NLRP12: variants seen among roughly 807,000 people sequenced by gnomAD.
NLRP12 encodes the protein NLR family pyrin domain containing 12.
NLRP12 carries 108 observed loss-of-function variants against 91.2 expected under a neutral mutation model. The ratio of observed to expected loss-of-function variants is 1.18; its 90% CI spans 1.01 to 1.39. The LOEUF is 1.39. Among genes scored for constraint, NLRP12 ranks in the 40% most tolerant of loss-of-function variants. NLRP12 has a pLI of 0.00. For missense variants in NLRP12, 1,530 were observed against 1,352.7 expected (o/e 1.13, Z -2.06); for synonymous variants, 613 against 566.7 (o/e 1.08, Z -1.16).
chr19:53,818,176 T>C (rs1028030097), intron 1 of NLRP12, among the ~76,000 whole-genome samples: 3 of 151,620 alleles, frequency 2.0e-5, no homozygotes, highest in Admixed American at 6.6e-5. Flanking sequence ...CTTCACCTCC[T>C]GGGCTTAAGT....
chr19:53,795,519 C>T (rs561415772), intron 9 of NLRP12, among the ~76,000 whole-genome samples: 27 of 150,914 alleles, frequency 1.8e-4, no homozygotes, highest in Non-Finnish European at 2.5e-4. Flanking sequence ...GGACTACAGG[C>T]GCCCGCCACC....
intron 9 of NLRP12, among the ~76,000 whole-genome samples, chr19:53,795,109 T>C (rs1028846718): frequency 3.0e-4 from 14 of 46,442 alleles, no homozygotes; most frequent in Admixed American, 2.4e-3. Flanking sequence ...GGTGTGTGCG[T>C]GTGTGTGTGT....
In NLRP12 at chr19:53,824,143, C is replaced by T. The variant is rs1456282178; in HGVS notation, c.32G>A (p.Cys11Tyr). Residue 11 changes from cysteine to tyrosine, a missense_variant, in exon 1 of 10, where the codon TGT (cysteine) becomes TAT (tyrosine). Transcript: ENST00000324134. The stretch of plus-strand genomic sequence containing the variant: ...TTCTTCCAAGTAGGTGGACAGGCGA[C>T]AGAGGCCGTCCCTGCCTGCGGTTCG... Reference protein sequence around the residue: MLRTAGRDGLCRLSTYLEELE... With the variant: MLRTAGRDGLYRLSTYLEELE... 2 of 1,613,978 alleles carry T rather than the reference C, an allele frequency of 1.2e-6. No homozygotes were observed. Among genetic ancestry groups the T allele is most frequent in the African/African-American group, 1.3e-5 (1 of 74,902 alleles).
upstream of NLRP12, chr19:53,824,317 G>C: frequency 3.9e-6 from 3 of 770,360 alleles, no homozygotes; most frequent in Non-Finnish European, 6.5e-6. Context: ...GGAGGAGAGA[G>C]CAAGGGAGGA....
At chr19:53,796,822 C>T (rs552572697) in intron 8 of NLRP12, among the ~76,000 whole-genome samples, 22 of 151,926 alleles carry the variant, frequency 1.4e-4, no homozygotes, top group African/African-American at 5.3e-4. Context: ...CATGAGAAAC[C>T]CCGTCTCTAC....
chr19:53,814,375 T>G (rs2092124836), intron 2 of NLRP12, among the ~76,000 whole-genome samples: 1 of 151,596 alleles, frequency 6.6e-6, no homozygotes, highest in South Asian at 2.1e-4. Context: ...TTTTAAGAGA[T>G]GGAGTCTCAC....
chr19:53,807,537 CAG>C lies in NLRP12; in HGVS notation c.2199_2200del (p.Cys734SerfsTer36). 6.2e-7 allele frequency: 1 copy of C among 1,614,182 alleles called. No individual in the cohort carries two copies. Among genetic ancestry groups the C allele is most frequent in the Non-Finnish European group, 8.5e-7 (1 of 1,180,026 alleles). ...GCAGTTGGGGTGTCTGAGTCCTTGA[CAG>C]AGCAGCTTCACCCCCCGGCTGCCCA... On this transcript the variant is annotated frameshift_variant, in exon 4 of 10. Coordinates refer to ENST00000324134, the MANE Select transcript of NLRP12 (RefSeq NM_144687.4). LOFTEE classifies it high-confidence loss of function.
intron 1 of NLRP12, among the ~76,000 whole-genome samples, chr19:53,820,295 C>T (rs1002635103): frequency 3.9e-5 from 6 of 151,940 alleles, no homozygotes; most frequent in African/African-American, 1.4e-4. Context: ...TTTGGGAGGC[C>T]GAGGTGGATG....
chr19:53,799,010 A>ATTTTT (rs34728764), intron 7 of NLRP12, among the ~76,000 whole-genome samples: 18 of 119,610 alleles, frequency 1.5e-4, no homozygotes, highest in African/African-American at 2.0e-4. Flanking sequence ...CTATCTACAA[A>ATTTTT]TTTTTTTTTT....
At position 53,810,119 on chromosome 19, in the gene NLRP12, G is replaced by A; in HGVS notation, c.1540C>T (p.His514Tyr). ...GCAAAGAATTCCTGGAAACTCAAGT[G>A]GATGAAGCTGTAGTACCTCTCACAG... ...INCERYYSFI[H>Y]LSFQEFFAAM... The change falls in exon 3 of 10, where the codon CAC becomes TAC. Residue 514 changes from histidine (H) to tyrosine (Y), a missense_variant. Physicochemically the swap from His to Tyr is moderately conservative, Grantham distance 83. Coordinates refer to ENST00000324134, the MANE Select transcript of NLRP12 (RefSeq NM_144687.4). The A allele has an allele frequency of 1.2e-6, 2 of 1,614,196 alleles. No individual in the cohort carries two copies. Among genetic ancestry groups the A allele is most frequent in the Middle Eastern group, 1.6e-4 (1 of 6,062 alleles).
At chr19:53,802,449 T>C (rs2091890312) in intron 6 of NLRP12, among the ~76,000 whole-genome samples, 1 of 152,052 alleles carries the variant, frequency 6.6e-6, no homozygotes, top group Non-Finnish European at 1.5e-5. Context: ...GGCTCACGCC[T>C]GTAATCCCAG....
At chr19:53,800,400 T>C (rs2091848168) in intron 7 of NLRP12, among the ~76,000 whole-genome samples, 1 of 152,046 alleles carries the variant, frequency 6.6e-6, no homozygotes, top group Non-Finnish European at 1.5e-5. Flanking sequence ...GCCCAGGATG[T>C]CGGGCTATGA....
In NLRP12 at chr19:53,810,934, C is replaced by T. The variant is rs2122678718; in HGVS notation, c.725G>A (p.Gly242Asp). Residue 242 changes from glycine to aspartate, a missense_variant, in exon 3 of 10, where the codon GGC (glycine) becomes GAC (aspartate). Gly to Asp is a moderately conservative substitution (Grantham distance 94, BLOSUM62 -1). Coordinates refer to ENST00000324134, the MANE Select transcript of NLRP12 (RefSeq NM_144687.4). ...LDWADGKLFQGRFDYLFYINC... is the reference protein window; with the variant it reads ...LDWADGKLFQDRFDYLFYINC... ...GATGTAGAAGAGATAATCAAATCTG[C>T]CTTGGAAGAGCTTCCCGTCCGCCCA... The T allele has an allele frequency of 6.2e-7, 1 of 1,614,144 alleles. No homozygotes were observed.
In NLRP12 at chr19:53,811,263, A is replaced by G. The variant is rs1165980149; in HGVS notation, c.396T>C (p.Tyr132=). 2 of 1,613,870 alleles carry G rather than the reference A, an allele frequency of 1.2e-6. No individual in the cohort carries two copies. The highest frequency in any genetic ancestry group is 2.2e-5 in the South Asian group (2 of 91,092). Residue 132 remains tyrosine, a synonymous_variant, in exon 3 of 10, where the codon TAT becomes TAC. Coordinates refer to ENST00000324134, the MANE Select transcript of NLRP12 (RefSeq NM_144687.4). ...RKDPQETYRD[Y]VRRKFRLMED... is the part of the protein sequence containing the mutation. ...CCATGAGCCGGAATTTCCTGCGGAC[A>G]TAGTCCCTGTAGGTTTCCTGGGGAT...
chr19:53,810,655 T>A lies in NLRP12; in HGVS notation c.1004A>T (p.Glu335Val), dbSNP rs750525674. 6.2e-7 allele frequency: 1 copy of A among 1,613,836 alleles called. No homozygotes were observed. The highest frequency in any genetic ancestry group is 1.7e-5 in the Admixed American group (1 of 59,960). The change falls in exon 3 of 10, where the codon GAG (glutamate) becomes GTG (valine). Residue 335 changes from glutamate (E) to valine (V), a missense_variant. By Grantham distance (121) the Glu-to-Val change is moderately radical. Transcript: ENST00000324134. ...CCGTGTGGTGATGAGCAAAGATAGC[T>A]CAGGGAGCAGCTTCTTCCGAATTAA... ...NSLIRKKLLP[E>V]LSLLITTRPT...
chr19:53,808,967 G>C (rs186605565), intron 3 of NLRP12, among the ~76,000 whole-genome samples: 80 of 152,066 alleles, frequency 5.3e-4, no homozygotes, highest in Middle Eastern at 3.4e-3. Context: ...GAGAGGCACT[G>C]GTTAAGAGCA....
chr19:53,805,289 T>A lies in NLRP12; in HGVS notation c.2405A>T (p.Gln802Leu), dbSNP rs2091939054. The change falls in exon 5 of 10, where the codon CAG (glutamine) becomes CTG (leucine). Residue 802 changes from glutamine to leucine, a missense_variant. By Grantham distance (113) the Gln-to-Leu change is moderately radical. Coordinates refer to ENST00000324134, the MANE Select transcript of NLRP12 (RefSeq NM_144687.4). ...GGGGATAGAGACTCACTGAATCATCTGCAGCCTGCACTGGGGATGCCGCAG... is the reference window on the plus strand; with the variant it reads ...GGGGATAGAGACTCACTGAATCATCAGCAGCCTGCACTGGGGATGCCGCAG... Reference protein sequence around the residue: ...EGLRHPQCRLQMIQLRKCQLE... With the variant: ...EGLRHPQCRLLMIQLRKCQLE... The A allele has an allele frequency of 6.2e-7, 1 of 1,614,008 alleles. No individual in the cohort carries two copies. The highest frequency in any genetic ancestry group is 8.5e-7 in the Non-Finnish European group (1 of 1,179,926).
At chr19:53,802,020 G>A (rs1203352428) in intron 6 of NLRP12, among the ~76,000 whole-genome samples, 3 of 152,052 alleles carry the variant, frequency 2.0e-5, no homozygotes, top group African/African-American at 7.2e-5. Context: ...CTGAGGTTGG[G>A]AGATGGAGAC....
chr19:53,811,965 G>A (rs988847816), intron 2 of NLRP12, among the ~76,000 whole-genome samples: 16 of 152,168 alleles, frequency 1.1e-4, no homozygotes, highest in Non-Finnish European at 2.1e-4. Flanking sequence ...AGCCAGGTGC[G>A]GTGGCTCACG....
Sources: gnomAD v4.1 joint callset for allele counts (sites outside exome capture counted in the v4.1 genomes callset) on GRCh38, gnomAD v4.1.1 for gene constraint, MANE v1.5 for transcripts, NCBI Gene and HGNC (gene_info 2026-07-23, HGNC 2026-07-21) for gene names.